The following PCDHGA2 variants were observed in gnomAD, a reference collection of about 807,000 sequenced individuals.
PCDHGA2 encodes protocadherin gamma subfamily A, 2.
PCDHGA2 carries 40 observed loss-of-function variants against 59.2 expected under a neutral mutation model. That is an observed-to-expected ratio of 0.68 (90% CI 0.52 to 0.88). The LOEUF is 0.88. PCDHGA2 is among the 40% of genes least tolerant of loss of function. PCDHGA2 has a pLI of 0.00. For synonymous variants in PCDHGA2, 560 were observed against 526.0 expected, an observed-to-expected ratio of 1.06 and a Z score of -0.89; for missense variants, 1,226 against 1,204.0, an observed-to-expected ratio of 1.02 and a Z score of -0.27.
chr5:141,400,314 CAA>C (rs1443669567), intron 1 of PCDHGA2: 1 of 1,613,960 alleles, frequency 6.2e-7, no homozygotes, highest in Non-Finnish European at 8.5e-7. Context: ...GTCTCTGTGT[CAA>C]GTCTGGACCT....
intron 1 of PCDHGA2, chr5:141,352,026 C>T (rs1186654120): frequency 9.9e-6 from 16 of 1,609,158 alleles, no homozygotes; most frequent in Non-Finnish European, 1.4e-5. Flanking sequence ...AAGGTGGTGG[C>T]GGTGGACGCA....
At chr5:141,398,242 G>A (rs768096349) in intron 1 of PCDHGA2, 11 of 1,476,422 alleles carry the variant, frequency 7.5e-6, no homozygotes, top group Admixed American at 6.1e-5. Context: ...CAGGATTCCC[G>A]AGGAAATGCC....
chr5:141,469,284 A>G lies in PCDHGA2; in HGVS notation c.2425-25523A>G, dbSNP rs192391622. On this transcript the variant is annotated intron_variant, in intron 1 of 3. Transcript: ENST00000394576. ...AGAGCAAGACCCCATCTCAAAAAAT[A>G]AAACAAAATAGACTGGGCACGATGG... Among the ~76,000 whole-genome samples, 595 of 152,012 alleles carry G rather than the reference A, an allele frequency of 3.9e-3. 6 individuals are homozygous for G. The highest frequency in any genetic ancestry group is 0.011 in the Admixed American group (171 of 15,260).
rs2099085120 is a variant in PCDHGA2, at chr5:141,464,455, T to C, written c.2425-30352T>C. Among the ~76,000 whole-genome samples, 2 of 151,794 alleles carry C rather than the reference T, an allele frequency of 1.3e-5. 1 individual carries two copies. Among genetic ancestry groups the C allele is most frequent in the Non-Finnish European group, 2.9e-5 (2 of 67,958 alleles). On this transcript the variant is annotated intron_variant, in intron 1 of 3. Coordinates refer to ENST00000394576, the MANE Select transcript of PCDHGA2 (RefSeq NM_018915.4). ...TATATGTTTGTTGTTGTTGTTGTTA[T>C]TTTTGAAGTATGTACGTATAATAAA...
chr5:141,456,578 C>G (rs959608396), intron 1 of PCDHGA2, among the ~76,000 whole-genome samples: 10 of 152,182 alleles, frequency 6.6e-5, no homozygotes, highest in African/African-American at 1.7e-4. Flanking sequence ...TTTCCCTGAG[C>G]CTGTCAATAA....
chr5:141,467,203 C>T (rs896621746), intron 1 of PCDHGA2, among the ~76,000 whole-genome samples: 1 of 152,052 alleles, frequency 6.6e-6, no homozygotes, highest in African/African-American at 2.4e-5. Flanking sequence ...CAGGCACATG[C>T]CACCATGCCT....
At chr5:141,399,635 T>C (rs1237333371) in intron 1 of PCDHGA2, 1 of 1,613,746 alleles carries the variant, frequency 6.2e-7, no homozygotes, top group Admixed American at 1.7e-5. Context: ...TACGTGTCCA[T>C]GAGCGCGCAA....
intron 1 of PCDHGA2, chr5:141,428,335 T>G (rs535486665): frequency 3.3e-6 from 2 of 615,106 alleles, no homozygotes; most frequent in East Asian, 5.9e-5. Context: ...TTCTATGCTC[T>G]TCTTCCTCGC....
At chr5:141,451,640 G>A (rs2098720679) in intron 1 of PCDHGA2, among the ~76,000 whole-genome samples, 1 of 152,166 alleles carries the variant, frequency 6.6e-6, no homozygotes, top group South Asian at 2.1e-4. Context: ...CCAGCACTCT[G>A]AGAGGCCAAG....
At position 141,409,805 on chromosome 5, in the gene PCDHGA2, C is replaced by A. The variant is rs751397816; in HGVS notation, c.2424+68410C>A. On this transcript the variant is annotated intron_variant, in intron 1 of 3. Transcript: ENST00000394576. ...CGCCTTCGCGCTCACGCTGCAGGCC[C>A]GCGACCACGGCTCGCCCACGCTCAG... is the stretch of plus-strand genomic sequence containing the variant. 14 of 1,611,512 alleles carry A rather than the reference C, an allele frequency of 8.7e-6. No homozygotes were observed. Among genetic ancestry groups the A allele is most frequent in the Middle Eastern group, 1.6e-4 (1 of 6,072 alleles).
intron 1 of PCDHGA2, chr5:141,407,979 T>G: frequency 1.3e-6 from 1 of 748,940 alleles, no homozygotes; most frequent in Non-Finnish European, 2.0e-6. Context: ...ACGCCGGGGA[T>G]CCGTCAGCCT....
chr5:141,376,348 C>T (rs1293667748), intron 1 of PCDHGA2: 6 of 1,614,184 alleles, frequency 3.7e-6, no homozygotes, highest in Non-Finnish European at 4.2e-6. Context: ...CCTATTCCCA[C>T]GAGGTCTCAC....
intron 1 of PCDHGA2, chr5:141,394,415 C>G: frequency 6.2e-7 from 1 of 1,614,242 alleles, no homozygotes; most frequent in Non-Finnish European, 8.5e-7. Flanking sequence ...TGGTAACAGC[C>G]AGCGACAGCG....
intron 1 of PCDHGA2, chr5:141,372,263 G>A: frequency 6.2e-7 from 1 of 1,613,110 alleles, no homozygotes; most frequent in Admixed American, 1.7e-5. Flanking sequence ...GCCTGCGCAC[G>A]GGTGAGGTGC....
chr5:141,359,218 A>G (rs1208654805), intron 1 of PCDHGA2, among the ~76,000 whole-genome samples: 1 of 152,164 alleles, frequency 6.6e-6, no homozygotes, highest in Admixed American at 6.5e-5. Context: ...GACAACTTAC[A>G]TCTGAGGAGA....
intron 1 of PCDHGA2, chr5:141,417,908 C>G (rs1255727429): frequency 6.3e-7 from 1 of 1,597,500 alleles, no homozygotes; most frequent in Non-Finnish European, 8.5e-7. Context: ...GCGGCAGGTA[C>G]TATTTCCTTT....
intron 1 of PCDHGA2, chr5:141,345,215 A>T: frequency 6.2e-7 from 1 of 1,614,020 alleles, no homozygotes; most frequent in Non-Finnish European, 8.5e-7. Context: ...CATTTAAGTT[A>T]GAAAAATCAA....
intron 1 of PCDHGA2, among the ~76,000 whole-genome samples, chr5:141,401,410 A>C (rs536817103): frequency 6.6e-6 from 1 of 152,236 alleles, no homozygotes; most frequent in South Asian, 2.1e-4. Flanking sequence ...TGAGAGAGAA[A>C]GAGAGAGACT....
chr5:141,468,222 G>A lies in PCDHGA2; in HGVS notation c.2425-26585G>A, dbSNP rs560663102. 2.6e-3 allele frequency among the ~76,000 whole-genome samples: 401 copies of A among 151,572 alleles called. 2 individuals are homozygous for A. Among genetic ancestry groups the A allele is most frequent in the South Asian group, 0.02 (97 of 4,782 alleles). ...TGCCTGTAATTCCAGCTACTTGGGA[G>A]GATGAGGTAGGAGAATTGCCTGAAC... On this transcript the variant is annotated intron_variant, in intron 1 of 3. Coordinates refer to ENST00000394576, the MANE Select transcript of PCDHGA2 (RefSeq NM_018915.4).
Sources: gnomAD v4.1 joint callset for allele counts (sites outside exome capture counted in the v4.1 genomes callset) on GRCh38, gnomAD v4.1.1 for gene constraint, MANE v1.5 for transcripts, NCBI Gene and HGNC (gene_info 2026-07-23, HGNC 2026-07-21) for gene names.